The following KIAA1217 variants were observed in gnomAD, a reference collection of about 807,000 sequenced individuals.
The protein encoded by KIAA1217 is sickle tail protein homolog.
Under a neutral mutation model 163.9 loss-of-function variants are expected in KIAA1217, and 88 were observed. The ratio of observed to expected loss-of-function variants is 0.54; its 90% CI spans 0.45 to 0.64. The LOEUF (loss-of-function observed/expected upper bound fraction) is 0.64, where lower values mean the gene tolerates loss of function less well. KIAA1217 is among the 30% of genes least tolerant of loss of function. The probability of loss-of-function intolerance (pLI) is 0.00; values close to 1 mark genes in which losing one functional copy is unlikely to be tolerated. For synonymous variants in KIAA1217, 903 were observed against 923.1 expected, an observed-to-expected ratio of 0.98 and a Z score of 0.39; for missense variants, 2,372 against 2,475.0, an observed-to-expected ratio of 0.96 and a Z score of 0.88.
At chr10:24,125,322 C>CTGTGTGTG (rs58143239) in intron 2 of KIAA1217, among the ~76,000 whole-genome samples, 2,193 of 143,782 alleles carry the variant, frequency 0.015, 33 homozygotes, top group Middle Eastern at 0.04. Context: ...ATCCTATGCT[C>CTGTGTGTG]TGTGTGTGTG....
chr10:24,362,530 G>C (rs915454270), intron 2 of KIAA1217, among the ~76,000 whole-genome samples: 1 of 152,200 alleles, frequency 6.6e-6, no homozygotes, highest in Non-Finnish European at 1.5e-5. Context: ...ATGCTGGATG[G>C]CTCAGTGATT....
chr10:24,423,321 G>T (rs1488028435), intron 3 of KIAA1217, among the ~76,000 whole-genome samples: 1 of 137,710 alleles, frequency 7.3e-6, no homozygotes, highest in Non-Finnish European at 1.6e-5. Flanking sequence ...GACTCAGTTT[G>T]TCGCCCAGGC....
At chr10:24,084,564 A>G (rs960431914) in intron 2 of KIAA1217, among the ~76,000 whole-genome samples, 1 of 152,242 alleles carries the variant, frequency 6.6e-6, no homozygotes, top group Non-Finnish European at 1.5e-5. Flanking sequence ...GACTGAGAGC[A>G]GAGACCTAAA....
At chr10:23,790,435 ACATATATACATATATACATGTG>A (rs1199796324) in intron 1 of KIAA1217, among the ~76,000 whole-genome samples, 1,539 of 90,368 alleles carry the variant, frequency 0.017, 222 homozygotes, top group African/African-American at 0.064. Flanking sequence ...ATATACATAT[ACATATATACATATATACATGTG>A]CATATATACA....
At chr10:24,010,184 T>TA (rs1039609939) in intron 2 of KIAA1217, among the ~76,000 whole-genome samples, 16 of 151,030 alleles carry the variant, frequency 1.1e-4, no homozygotes, top group East Asian at 1.9e-4. Flanking sequence ...GAACGCTTTT[T>TA]AAAAAAAATG....
At chr10:24,410,588 T>G (rs1044223693) in intron 3 of KIAA1217, among the ~76,000 whole-genome samples, 1 of 152,204 alleles carries the variant, frequency 6.6e-6, no homozygotes, top group African/African-American at 2.4e-5. Context: ...GAACTTTGAT[T>G]TTACACTTTG....
chr10:24,473,486 GA>G lies in KIAA1217; in HGVS notation c.1108del (p.Arg370GlufsTer10). ...PISPSPSAIL[E>X]RRDVKPDEDM... ...CTCTCCAAGCCCAAGCGCCATTTTAGAAAGAAGAGATGTCAAGCCTGATGAA... is the reference window on the plus strand; with the variant it reads ...CTCTCCAAGCCCAAGCGCCATTTTAGAAGAAGAGATGTCAAGCCTGATGAA... On this transcript the variant is annotated frameshift_variant, in exon 6 of 21. Transcript: ENST00000376454. LOFTEE classifies it high-confidence loss of function. 6.2e-7 allele frequency: 1 copy of G among 1,614,144 alleles called. No homozygotes were observed. The highest frequency in any genetic ancestry group is 8.5e-7 in the Non-Finnish European group (1 of 1,180,024).
At chr10:23,752,370 G>A (rs1429011938) in intron 1 of KIAA1217, among the ~76,000 whole-genome samples, 1 of 152,126 alleles carries the variant, frequency 6.6e-6, no homozygotes, top group Non-Finnish European at 1.5e-5. Flanking sequence ...TTTAAGACAG[G>A]AAGTCATTGA....
At chr10:24,225,018 G>A (rs2070305434) in intron 2 of KIAA1217, among the ~76,000 whole-genome samples, 2 of 151,850 alleles carry the variant, frequency 1.3e-5, no homozygotes, top group Admixed American at 1.3e-4. Flanking sequence ...AGTAGAGACG[G>A]GGTTCACTGT....
intron 2 of KIAA1217, among the ~76,000 whole-genome samples, chr10:24,047,056 G>A (rs958833581): frequency 2.6e-5 from 4 of 152,176 alleles, no homozygotes; most frequent in Non-Finnish European, 5.9e-5. Flanking sequence ...ACAAAACAAA[G>A]AAGTGGGAAA....
chr10:24,095,469 C>T (rs1212832457), intron 2 of KIAA1217, among the ~76,000 whole-genome samples: 1 of 152,180 alleles, frequency 6.6e-6, no homozygotes, highest in East Asian at 1.9e-4. Context: ...TGACACCCCA[C>T]CCCACTGAAC....
intron 1 of KIAA1217, among the ~76,000 whole-genome samples, chr10:23,863,528 C>A (rs986495670): frequency 6.6e-6 from 1 of 152,124 alleles, no homozygotes; most frequent in Non-Finnish European, 1.5e-5. Flanking sequence ...TCGTCTCTTG[C>A]CTTTCCATCT....
chr10:24,516,675 C>G (rs7910958), intron 10 of KIAA1217, among the ~76,000 whole-genome samples: 38,253 of 151,950 alleles, frequency 0.25, 5,485 homozygotes, highest in African/African-American at 0.39. Context: ...GATCATGTGC[C>G]GGACTGATTA....
intron 1 of KIAA1217, among the ~76,000 whole-genome samples, chr10:23,696,746 A>G (rs1397019992): frequency 6.6e-6 from 1 of 152,210 alleles, no homozygotes; most frequent in East Asian, 1.9e-4. Context: ...CTCGCAGCCC[A>G]TTAAGTGTAT....
intron 10 of KIAA1217, among the ~76,000 whole-genome samples, chr10:24,519,162 G>A (rs1386758243): frequency 6.6e-6 from 1 of 152,120 alleles, no homozygotes; most frequent in African/African-American, 2.4e-5. Context: ...GGCTCCAGGA[G>A]GTGGAATCGC....
intron 2 of KIAA1217, among the ~76,000 whole-genome samples, chr10:24,308,423 A>G (rs1483682101): frequency 1.3e-5 from 2 of 152,230 alleles, no homozygotes; most frequent in Admixed American, 1.3e-4. Flanking sequence ...ACTGCAGTTA[A>G]ACAGTAATAG....
In KIAA1217 at chr10:23,790,386, CATATGT is replaced by C. The variant is rs1237524675; in HGVS notation, c.-321+95157_-321+95162del. 6.5e-4 allele frequency among the ~76,000 whole-genome samples: 54 copies of C among 83,146 alleles called. 9 individuals carry two copies. Among genetic ancestry groups the C allele is most frequent in the South Asian group, 2.3e-3 (8 of 3,412 alleles). The allele number at this position is 83,146 out of a possible 152,430, so 54.5% of individuals were successfully genotyped here. On this transcript the variant is annotated intron_variant, in intron 1 of 18. Transcript: ENST00000376462. ...ATATACATATACATATGTATATATA[CATATGT>C]ATATATACATATATACATATACATA...
chr10:23,735,805 T>C (rs1308973584), intron 1 of KIAA1217, among the ~76,000 whole-genome samples: 1 of 152,186 alleles, frequency 6.6e-6, no homozygotes, highest in African/African-American at 2.4e-5. Flanking sequence ...ATACAATAAA[T>C]GACACATATT....
intron 1 of KIAA1217, among the ~76,000 whole-genome samples, chr10:23,775,437 T>C (rs1050387525): frequency 6.6e-6 from 1 of 152,096 alleles, no homozygotes; most frequent in Non-Finnish European, 1.5e-5. Context: ...AGACAATGCA[T>C]TCAGTTTCAG....
Sources: gnomAD v4.1 joint callset for allele counts (sites outside exome capture counted in the v4.1 genomes callset) on GRCh38, gnomAD v4.1.1 for gene constraint, MANE v1.5 for transcripts, NCBI Gene and HGNC (gene_info 2026-07-23, HGNC 2026-07-21) for gene names.